The following MTCH2 variants were observed in gnomAD, a reference collection of about 807,000 sequenced individuals.
MTCH2 encodes the protein mitochondrial carrier 2, also known as mitochondrial carrier homolog 2.
A neutral mutation model predicts 50.6 loss-of-function variants in MTCH2; 25 were observed. The ratio of observed to expected loss-of-function variants is 0.49; its 90% CI spans 0.36 to 0.69. The LOEUF is 0.69. Among genes scored for constraint, MTCH2 ranks in the 30% least tolerant of loss-of-function variants. The probability of loss-of-function intolerance (pLI) is 0.00; values close to 1 mark genes in which losing one functional copy is unlikely to be tolerated. For synonymous variants in MTCH2, 106 were observed against 132.0 expected, an observed-to-expected ratio of 0.80 and a Z score of 1.35; for missense variants, 273 against 384.4, an observed-to-expected ratio of 0.71 and a Z score of 2.42.
rs186821090 is a variant in MTCH2 at position 47,638,129 on chromosome 11, T to C, written c.279+570A>G. On this transcript the variant is annotated intron_variant, in intron 3 of 12. Coordinates refer to ENST00000302503, the MANE Select transcript of MTCH2 (RefSeq NM_014342.4). ...TCAGGGTACCTGGTTACCTCAAGTT[T>C]GTCTTACTTTACAGTTACATAAAGT... Among the ~76,000 whole-genome samples, 78 of 152,166 alleles carry C rather than the reference T, an allele frequency of 5.1e-4. 1 individual carries two copies. The highest frequency in any genetic ancestry group is 3.7e-3 in the Admixed American group (57 of 15,266).
At chr11:47,606,226 G>A in the MTCH2 span, among the ~76,000 whole-genome samples, 1 of 152,142 alleles carries the variant, frequency 6.6e-6, no homozygotes, top group East Asian at 1.9e-4. Context: ...CTGTTTTGCT[G>A]AACTCTTCCC....
At chr11:47,637,910 T>A (rs988173949) in intron 3 of MTCH2, among the ~76,000 whole-genome samples, 2 of 152,246 alleles carry the variant, frequency 1.3e-5, no homozygotes, top group Admixed American at 6.5e-5. Flanking sequence ...TCCATCGATA[T>A]AATTATCTAA....
At chr11:47,635,417 C>A (rs2097307635) in intron 4 of MTCH2, 128 bp downstream of exon 4, 1 of 1,044,698 alleles carries the variant, frequency 9.6e-7, no homozygotes. Context: ...TGGTGGCCAC[C>A]CCATAGGACA....
rs750199134 is a variant in MTCH2, at chr11:47,631,072, G to C, written c.443C>G (p.Ser148Cys). The C allele has an allele frequency of 6.2e-7, 1 of 1,612,940 alleles. No homozygotes were observed. The highest frequency in any genetic ancestry group is 1.1e-5 in the South Asian group (1 of 91,032). Reference sequence around the variant, plus strand: ...TTCTCTGCCAATGAACTGTACCATAGATCTCAGAGTGATCACTGTGGAATA... The same window carrying C: ...TTCTCTGCCAATGAACTGTACCATACATCTCAGAGTGATCACTGTGGAATA... The part of the protein sequence containing the change: ...THPFHVITLR[S>C]MVQFIGRESK... The change falls in exon 7 of 13, where the codon TCT becomes TGT. Residue 148 changes from serine (S) to cysteine (C), a missense_variant. By Grantham distance (112) the Ser-to-Cys change is moderately radical. Transcript: ENST00000302503.
At chr11:47,613,913 G>A (rs556474691), downstream of MTCH2, among the ~76,000 whole-genome samples, 42 of 152,080 alleles carry the variant, frequency 2.8e-4, no homozygotes, top group Admixed American at 2.2e-3. Context: ...GTGAAAGCCC[G>A]TCTCTACTAA....
intron 12 of MTCH2, among the ~76,000 whole-genome samples, chr11:47,620,369 T>C (rs7106158): frequency 6.6e-4 from 101 of 152,116 alleles, no homozygotes; most frequent in Middle Eastern, 3.4e-3. Context: ...CCTGGGATGC[T>C]GAGGTGGGAC....
At chr11:47,638,283 C>T (rs891737343) in intron 3 of MTCH2, among the ~76,000 whole-genome samples, 14 of 148,098 alleles carry the variant, frequency 9.5e-5, no homozygotes, top group Middle Eastern at 3.4e-3. Flanking sequence ...TGAGTCCCGC[C>T]GGGCGCGGTG....
At chr11:47,627,223 C>A (rs2097299015) in intron 9 of MTCH2, 96 bp from the exon 10 acceptor site, 2 of 919,980 alleles carry the variant, frequency 2.2e-6, no homozygotes, top group African/African-American at 3.5e-5. Flanking sequence ...TTTTTTCTTT[C>A]AGACAGTGCC....
At chr11:47,619,875 G>A (rs1209363498) in intron 12 of MTCH2, among the ~76,000 whole-genome samples, 4 of 152,156 alleles carry the variant, frequency 2.6e-5, no homozygotes, top group South Asian at 2.1e-4. Flanking sequence ...TCAGGAGTTC[G>A]AGACCAGCCT....
intron 1 of MTCH2, among the ~76,000 whole-genome samples, chr11:47,640,640 T>C (rs1283376926): frequency 1.3e-5 from 2 of 151,990 alleles, no homozygotes; most frequent in Admixed American, 1.3e-4. Flanking sequence ...AGTCTTTAAC[T>C]CCTGACCTCA....
rs774693054 is a variant in MTCH2, at chr11:47,631,743, T to TA, written c.370-33dup. Reference sequence around the variant, plus strand: ...ACAATCAACACACACTTCTGAAATCTAAACAAATGACACTCAAATGCCTGT... The same window carrying TA: ...ACAATCAACACACACTTCTGAAATCTAAAACAAATGACACTCAAATGCCTGT... On this transcript the variant is annotated intron_variant, in intron 5 of 12. Coordinates refer to ENST00000302503, the MANE Select transcript of MTCH2 (RefSeq NM_014342.4). The TA allele has an allele frequency of 3.7e-6, 6 of 1,612,068 alleles. No individual in the cohort carries two copies. In the Admixed American group the frequency reaches 8.3e-5, roughly 22 times the overall value.
In MTCH2 at chr11:47,638,765, G is replaced by A; in HGVS notation, c.213C>T (p.Phe71=). 1 of 1,614,264 alleles carries A rather than the reference G, an allele frequency of 6.2e-7. No individual in the cohort carries two copies. The highest frequency in any genetic ancestry group is 8.5e-7 in the Non-Finnish European group (1 of 1,180,054). Residue 71 remains phenylalanine (F), a synonymous_variant, in exon 3 of 13, where the codon TTC becomes TTT. Coordinates refer to ENST00000302503, the MANE Select transcript of MTCH2 (RefSeq NM_014342.4). ...AACACAGTCTTGGAGTTAAGCCTGT[G>A]AACAACCCGCGCCTCCCATCGATAC... is the stretch of plus-strand genomic sequence containing the variant. The part of the protein sequence containing the change: ...IASIDGRRGL[F]TGLTPRLCSG...
downstream of MTCH2, among the ~76,000 whole-genome samples, chr11:47,613,081 T>C (rs1171462086): frequency 6.6e-6 from 1 of 151,920 alleles, no homozygotes; most frequent in South Asian, 2.1e-4. Context: ...TTTTTTTTTT[T>C]AGTTTTAGTA....
At chr11:47,611,746 C>T in the MTCH2 span, among the ~76,000 whole-genome samples, 18 of 152,152 alleles carry the variant, frequency 1.2e-4, no homozygotes, top group African/African-American at 3.9e-4. Context: ...AACCTCTAAC[C>T]GTATTGTGGT....
intron 11 of MTCH2, 60 bp from the exon 12 acceptor site, chr11:47,622,836 T>G (rs2097294553): frequency 9.5e-7 from 1 of 1,048,498 alleles, no homozygotes; most frequent in South Asian, 1.7e-5. Flanking sequence ...CTTGAGACGT[T>G]GATAAACCTT....
rs1420120274 is a variant in MTCH2 at position 47,638,716 on chromosome 11, G to C, written c.262C>G (p.His88Asp). 1 of 1,613,952 alleles carries C rather than the reference G, an allele frequency of 6.2e-7. No homozygotes were observed. The highest frequency in any genetic ancestry group is 8.5e-7 in the Non-Finnish European group (1 of 1,179,916). The change falls in exon 3 of 13, where the codon CAT (histidine) becomes GAT (aspartate). Residue 88 changes from histidine to aspartate, a missense_variant. Transcript: ENST00000302503. ...CCTCTTACCTGTAAAACTTTACCAT[G>C]GACCACAGTTCCAAGGACTCCCGAA... Reference protein sequence around the residue: ...LCSGVLGTVVHGKVLQHYQES... With the variant: ...LCSGVLGTVVDGKVLQHYQES...
At chr11:47,635,007 G>A (rs760610624) in intron 4 of MTCH2, among the ~76,000 whole-genome samples, 2 of 151,876 alleles carry the variant, frequency 1.3e-5, no homozygotes, top group Non-Finnish European at 1.5e-5. Flanking sequence ...TCCTGACCTC[G>A]TGATCTCCAC....
At chr11:47,608,777 T>C in the MTCH2 span, among the ~76,000 whole-genome samples, 1 of 151,512 alleles carries the variant, frequency 6.6e-6, no homozygotes, top group African/African-American at 2.4e-5. Context: ...GCTAACATGG[T>C]GAAACCCCAT....
At chr11:47,626,617 C>T (rs929611994) in intron 10 of MTCH2, among the ~76,000 whole-genome samples, 1 of 151,792 alleles carries the variant, frequency 6.6e-6, no homozygotes, top group East Asian at 1.9e-4. Context: ...CTGAGTTATT[C>T]TCTCTTTTTT....
Sources: allele counts gnomAD v4.1 joint callset (sites outside exome capture counted in the v4.1 genomes callset), GRCh38; gene constraint gnomAD v4.1.1; transcripts MANE v1.5; gene names NCBI Gene and HGNC (gene_info 2026-07-23, HGNC 2026-07-21).